POC1A: variants seen among roughly 807,000 people sequenced by gnomAD.
POC1A encodes POC1 centriolar protein homolog A.
POC1A carries 34 observed loss-of-function variants against 47.8 expected under a neutral mutation model. The observed-to-expected ratio is 0.71, with a 90% confidence interval of 0.54 to 0.95. The LOEUF is 0.95. Ranked by LOEUF, POC1A falls within the 40% of genes least tolerant of loss-of-function variation. The probability of loss-of-function intolerance (pLI) is 0.00; values close to 1 mark genes in which losing one functional copy is unlikely to be tolerated. For synonymous variants in POC1A, 177 were observed against 207.6 expected (o/e 0.85, Z 1.27); for missense variants, 466 against 528.3 (o/e 0.88, Z 1.16).
chr3:52,104,194 AC>A (rs1412694170), intron 9 of POC1A, among the ~76,000 whole-genome samples: 40 of 152,334 alleles, frequency 2.6e-4, no homozygotes, highest in African/African-American at 9.4e-4. Context: ...AAATAATTAG[AC>A]TGAGTGAAAG....
At chr3:52,092,344 C>G (rs188290021) in intron 10 of POC1A, among the ~76,000 whole-genome samples, 4 of 152,168 alleles carry the variant, frequency 2.6e-5, no homozygotes, top group African/African-American at 9.6e-5. Flanking sequence ...CTTGATGAAG[C>G]CATCCCTAAC....
intron 10 of POC1A, among the ~76,000 whole-genome samples, chr3:52,095,585 A>G (rs1321714843): frequency 6.6e-6 from 1 of 150,720 alleles, no homozygotes; most frequent in Non-Finnish European, 1.5e-5. Context: ...TCCCTCTTGC[A>G]GCCTCGCTCT....
In POC1A at chr3:52,138,249, T is replaced by C. The variant is rs746187181; in HGVS notation, c.733A>G (p.Ile245Val). 1.3e-5 allele frequency: 21 copies of C among 1,614,114 alleles called. No individual in the cohort carries two copies. The highest frequency in any genetic ancestry group is 1.7e-5 in the Admixed American group (1 of 60,026). The change falls in exon 7 of 11, where the codon ATC becomes GTC. Residue 245 changes from isoleucine (I) to valine (V), a missense_variant. By Grantham distance (29) the Ile-to-Val change is conservative. Coordinates refer to ENST00000296484, the MANE Select transcript of POC1A (RefSeq NM_015426.5). Reference sequence around the variant, plus strand: ...AGGGTTGAGTCACTGGAGGCTGTGATCAGGTAGTTTCCCGACGGGTGGAAA... The same window carrying C: ...AGGGTTGAGTCACTGGAGGCTGTGACCAGGTAGTTTCCCGACGGGTGGAAA... ...LSFHPSGNYLITASSDSTLKI... is the reference protein window; with the variant it reads ...LSFHPSGNYLVTASSDSTLKI...
intron 9 of POC1A, among the ~76,000 whole-genome samples, chr3:52,116,328 G>C (rs1412883396): frequency 6.6e-6 from 1 of 152,232 alleles, no homozygotes; most frequent in Non-Finnish European, 1.5e-5. Context: ...CTCAGTATCA[G>C]AGGAACTAGG....
At chr3:52,122,169 C>T (rs1212521131) in intron 9 of POC1A, among the ~76,000 whole-genome samples, 5 of 152,262 alleles carry the variant, frequency 3.3e-5, no homozygotes, top group Admixed American at 3.3e-4. Context: ...CTTGCTGTAA[C>T]AGCCTCTTTG....
intron 8 of POC1A, among the ~76,000 whole-genome samples, chr3:52,124,489 T>C (rs1703920792): frequency 1.3e-5 from 2 of 152,082 alleles, no homozygotes; most frequent in South Asian, 4.2e-4. Flanking sequence ...CAGCCAAAAA[T>C]ACTGAAAATG....
At chr3:52,146,316 C>T (rs1310522648) in intron 5 of POC1A, among the ~76,000 whole-genome samples, 2 of 152,246 alleles carry the variant, frequency 1.3e-5, no homozygotes, top group Non-Finnish European at 2.9e-5. Flanking sequence ...AGGGCAGATC[C>T]TGCCAGCTGA....
intron 10 of POC1A, among the ~76,000 whole-genome samples, chr3:52,082,220 G>GC (rs1180609417): frequency 6.6e-6 from 1 of 151,950 alleles, no homozygotes; most frequent in Non-Finnish European, 1.5e-5. Context: ...ACCCACAAGG[G>GC]CCCTGCAGGC....
At chr3:52,096,805 C>A (rs2106974699) in intron 9 of POC1A, 93 bp from the exon 10 acceptor site, 4 of 1,189,580 alleles carry the variant, frequency 3.4e-6, no homozygotes, top group Non-Finnish European at 4.6e-6. Context: ...AAAGGGAAAA[C>A]CACCAGCAAA....
chr3:52,087,162 G>A (rs1702485477), intron 10 of POC1A, among the ~76,000 whole-genome samples: 1 of 152,220 alleles, frequency 6.6e-6, no homozygotes, highest in African/African-American at 2.4e-5. Flanking sequence ...AAGCCTCATT[G>A]CTTTGGCAGG....
chr3:52,101,150 G>A (rs1418677255), intron 9 of POC1A, among the ~76,000 whole-genome samples: 1 of 151,776 alleles, frequency 6.6e-6, no homozygotes, highest in Non-Finnish European at 1.5e-5. Context: ...GCCTATCTAG[G>A]GAGGAGGGCC....
chr3:52,126,015 T>C (rs1045827437), intron 7 of POC1A, among the ~76,000 whole-genome samples: 1 of 152,204 alleles, frequency 6.6e-6, no homozygotes, highest in African/African-American at 2.4e-5. Context: ...TACGACACCA[T>C]GACCACAGCC....
intron 7 of POC1A, among the ~76,000 whole-genome samples, chr3:52,136,906 ATC>A (rs1704491929): frequency 1.3e-5 from 2 of 152,352 alleles, no homozygotes; most frequent in South Asian, 4.1e-4. Context: ...CTTGATAGGC[ATC>A]TGTTTCAAAC....
chr3:52,078,146 A>G (rs1702175041), intron 10 of POC1A, among the ~76,000 whole-genome samples: 1 of 152,096 alleles, frequency 6.6e-6, no homozygotes, highest in South Asian at 2.1e-4. Context: ...CTAGCTTCAG[A>G]GGAGCTGTGT....
chr3:52,084,457 C>G lies in POC1A; in HGVS notation c.1126-8472G>C, dbSNP rs1702394884. 6.6e-6 allele frequency among the ~76,000 whole-genome samples: 1 copy of G among 152,218 alleles called. No homozygotes were observed. The highest frequency in any genetic ancestry group is 2.1e-4 in the South Asian group (1 of 4,836). ...ACCTCTGTCAGGCACCCACCACAGG[C>G]AGCAAACAAGGGACCCTAGCTCTTG... On this transcript the variant is annotated intron_variant, in intron 10 of 10. Transcript: ENST00000296484. This position sits in a 1 kb window ranked among gnomAD's most constrained non-coding sequence, Gnocchi z 4.3.
In POC1A at chr3:52,112,626, A is replaced by G. The variant is rs1312337651; in HGVS notation, c.981+9753T>C. Among the ~76,000 whole-genome samples, 5 of 152,172 alleles carry G rather than the reference A, an allele frequency of 3.3e-5. No homozygotes were observed. In the East Asian group the frequency reaches 7.7e-4, roughly 23 times the overall value. On this transcript the variant is annotated intron_variant, in intron 9 of 10. Transcript: ENST00000296484. Reference sequence around the variant, plus strand: ...CACTGCACTCCAGCCTGGGTGACAGAGCAAGACACTGTCTCAAAAAATACC... The same window carrying G: ...CACTGCACTCCAGCCTGGGTGACAGGGCAAGACACTGTCTCAAAAAATACC...
intron 1 of POC1A, among the ~76,000 whole-genome samples, chr3:52,151,642 C>G (rs1577932542): frequency 7.0e-6 from 1 of 143,674 alleles, no homozygotes; most frequent in South Asian, 2.2e-4. Flanking sequence ...AATAATTTAA[C>G]AAAAGAAGTG....
chr3:52,121,961 GC>G (rs2107088085), intron 9 of POC1A, among the ~76,000 whole-genome samples: 1 of 152,342 alleles, frequency 6.6e-6, no homozygotes, highest in South Asian at 2.1e-4. Context: ...GGAAGTGAAA[GC>G]AACAGGGCTG....
At position 52,149,220 on chromosome 3, in the gene POC1A, G is replaced by C. The variant is rs200913830; in HGVS notation, c.445C>G (p.Arg149Gly). The C allele has an allele frequency of 6.2e-6, 10 of 1,614,000 alleles. No homozygotes were observed. Among genetic ancestry groups the C allele is most frequent in the Non-Finnish European group, 8.5e-6 (10 of 1,179,936 alleles). Residue 149 changes from arginine to glycine, a missense_variant, in exon 4 of 11, where the codon CGC becomes GGC. Coordinates refer to ENST00000296484, the MANE Select transcript of POC1A (RefSeq NM_015426.5). ...FSLSQHINWV[R>G]CAKFSPDGRL... ...CAGAACAATGCTCACTTGGCACAGC[G>C]GACCCAGTTGATATGCTGGCTCAGG...
Sources: gnomAD v4.1 joint callset for allele counts (sites outside exome capture counted in the v4.1 genomes callset) on GRCh38, gnomAD v4.1.1 for gene constraint, Gnocchi (gnomAD v3.1) non-coding constraint, MANE v1.5 for transcripts, NCBI Gene and HGNC (gene_info 2026-07-23, HGNC 2026-07-21) for gene names.